RASA3: variants seen among roughly 807,000 people sequenced by gnomAD.
RASA3 encodes the protein ras GTPase-activating protein 3.
In RASA3, 73 loss-of-function variants were observed where a neutral mutation model predicts 110.0. The observed-to-expected ratio is 0.66, with a 90% confidence interval of 0.55 to 0.81. The LOEUF (loss-of-function observed/expected upper bound fraction) is 0.81. Among genes scored for constraint, RASA3 ranks in the 30% least tolerant of loss-of-function variants. The pLI, the probability that RASA3 is intolerant of heterozygous loss-of-function variation, is 0.00. For missense variants in RASA3, 976 were observed against 1,113.2 expected, an observed-to-expected ratio of 0.88 and a Z score of 1.75; for synonymous variants, 500 against 451.4, an observed-to-expected ratio of 1.11 and a Z score of -1.37.
At position 114,009,405 on chromosome 13, in the gene RASA3, A is replaced by G. The variant is rs1346375071; in HGVS notation, c.1650T>C (p.Tyr550=). The change falls in exon 17 of 24, where the codon TAT becomes TAC. Residue 550 remains tyrosine, a synonymous_variant. Coordinates refer to ENST00000334062, the MANE Select transcript of RASA3 (RefSeq NM_007368.4). ...TACTTACGTTCTTCACCGCATCAGCATATTTCTGCTCATTGAAGAATTCAT... is the reference window on the plus strand; with the variant it reads ...TACTTACGTTCTTCACCGCATCAGCGTATTTCTGCTCATTGAAGAATTCAT... ...TFYEFFNEQK[Y]ADAVKNFLDL... 6.2e-7 allele frequency: 1 copy of G among 1,612,342 alleles called. No individual in the cohort carries two copies. The highest frequency in any genetic ancestry group is 1.1e-5 in the South Asian group (1 of 91,080).
chr13:114,013,700 C>G (rs1408070442), intron 14 of RASA3, among the ~76,000 whole-genome samples: 1 of 145,610 alleles, frequency 6.9e-6, no homozygotes, highest in Admixed American at 6.8e-5. Context: ...CTCTGTCTCT[C>G]TCTCTCTCTC....
In RASA3 at chr13:113,983,006, C is replaced by T. The variant is rs200388544; in HGVS notation, c.2246-1148G>A. Among the ~76,000 whole-genome samples the T allele has an allele frequency of 2.6e-5, 4 of 151,794 alleles. No homozygotes were observed. The East Asian group carries it at 7.8e-4, about 29-fold the overall frequency. On this transcript the variant is annotated intron_variant, in intron 22 of 23. Coordinates refer to ENST00000334062, the MANE Select transcript of RASA3 (RefSeq NM_007368.4). Reference sequence around the variant, plus strand: ...CAATTTTTACGGCAGCCCAAACTCACCAAGAACTTGGTACTGAGAAGTGGC... The same window carrying T: ...CAATTTTTACGGCAGCCCAAACTCATCAAGAACTTGGTACTGAGAAGTGGC...
intron 1 of RASA3, among the ~76,000 whole-genome samples, chr13:114,109,802 G>A (rs2139760274): frequency 6.6e-6 from 1 of 152,240 alleles, no homozygotes. Context: ...GCTGGCGCAG[G>A]GCCACGAGGC....
intron 19 of RASA3, among the ~76,000 whole-genome samples, chr13:114,000,134 TGGG>T (rs559758719): frequency 1.5e-5 from 1 of 68,788 alleles, no homozygotes; most frequent in Non-Finnish European, 2.6e-5. Flanking sequence ...GGGTCTCTGC[TGGG>T]GGGGGTCTCT....
chr13:114,074,248 C>A (rs924402901), intron 1 of RASA3, among the ~76,000 whole-genome samples: 1 of 152,210 alleles, frequency 6.6e-6, no homozygotes, highest in African/African-American at 2.4e-5. Flanking sequence ...TCTTCCCAAA[C>A]GGAGACTCGG....
chr13:114,015,211 T>C lies in RASA3; in HGVS notation c.1403A>G (p.Gln468Arg). 2.5e-6 allele frequency: 4 copies of C among 1,612,972 alleles called. No individual in the cohort carries two copies. The highest frequency in any genetic ancestry group is 3.4e-6 in the Non-Finnish European group (4 of 1,179,962). ...ATGAGGGTGTTCAGGGCACTCACCCTGGAAGCGCTTGGCCGCCGCCTCCCG... is the reference window on the plus strand; with the variant it reads ...ATGAGGGTGTTCAGGGCACTCACCCCGGAAGCGCTTGGCCGCCGCCTCCCG... ...SLREAAAKRF[Q>R]DDPDVRYTAV... Residue 468 changes from glutamine (Q) to arginine (R), a missense_variant and splice_region_variant, in exon 14 of 24, where the codon CAG becomes CGG. Physicochemically the swap from Gln to Arg is conservative, Grantham distance 43. Around this residue, in one of 4 missense-constraint regions of RASA3, gnomAD observed 732 missense variants for 779.7 expected, o/e 0.94. Transcript: ENST00000334062.
chr13:114,008,517 T>C lies in RASA3; in HGVS notation c.1668+870A>G, dbSNP rs12858514. ...TGCCCCCACGCACCGCGTTCCTGAC[T>C]GTGGGGAGGAGCAGAGCCCTGGGGC... is the stretch of plus-strand genomic sequence containing the variant. On this transcript the variant is annotated intron_variant, in intron 17 of 23. Coordinates refer to ENST00000334062, the MANE Select transcript of RASA3 (RefSeq NM_007368.4). 2.4e-3 allele frequency among the ~76,000 whole-genome samples: 47 copies of C among 19,762 alleles called. 1 individual carries two copies. The highest frequency in any genetic ancestry group is 0.014 in the East Asian group (9 of 626). 13.0% of individuals were successfully genotyped at this position (19,762 alleles called of 152,430 possible). A position where few individuals can be genotyped will look rare whatever the true frequency, so the allele number is the denominator to read the frequency against.
rs561544780 is a variant in RASA3, at chr13:114,123,395, T to C, written c.55+9040A>G. Among the ~76,000 whole-genome samples, 96 of 152,336 alleles carry C rather than the reference T, an allele frequency of 6.3e-4. 1 individual carries two copies. The highest frequency in any genetic ancestry group is 2.5e-3 in the East Asian group (13 of 5,186). On this transcript the variant is annotated intron_variant, in intron 1 of 23. Coordinates refer to ENST00000334062, the MANE Select transcript of RASA3 (RefSeq NM_007368.4). The stretch of plus-strand genomic sequence containing the variant: ...AAGGAACACAGCTAAAGAGAAGATT[T>C]AGGGGTGCACGCAAGGGCCCTCAGG...
chr13:114,007,295 CACCACCTTACCCTTCTCCCCTCCT>C (rs2053532283), intron 18 of RASA3, among the ~76,000 whole-genome samples: 1 of 13,452 alleles, frequency 7.4e-5, no homozygotes, highest in African/African-American at 6.8e-4. Context: ...CCCTGCCGGA[CACCACCTTACCCTTCTCCCCTCCT>C]GCCCTGCCGG....
At chr13:113,991,372 G>C (rs1422695893) in intron 22 of RASA3, among the ~76,000 whole-genome samples, 1 of 152,222 alleles carries the variant, frequency 6.6e-6, no homozygotes, top group Non-Finnish European at 1.5e-5. Context: ...GGTTAAATCA[G>C]GGGAATGAAA....
Position 114,052,100 on chromosome 13 carries a change from A to G in RASA3, c.229T>C (p.Ser77Pro). The G allele has an allele frequency of 6.2e-7, 1 of 1,613,566 alleles. No individual in the cohort carries two copies. The highest frequency in any genetic ancestry group is 8.5e-7 in the Non-Finnish European group (1 of 1,179,760). ...CEIPRSFRHLSFYIFDRDVFR... is the reference protein window; with the variant it reads ...CEIPRSFRHLPFYIFDRDVFR... ...ACGTCTCTATCGAAAATGTAGAAGGACAGGTGACGAAAGCTCCGAGGAATT... is the reference window on the plus strand; with the variant it reads ...ACGTCTCTATCGAAAATGTAGAAGGGCAGGTGACGAAAGCTCCGAGGAATT... Residue 77 changes from serine (S) to proline (P), a missense_variant, in exon 3 of 24, where the codon TCC (serine) becomes CCC (proline). Around this residue, in one of 4 missense-constraint regions of RASA3, gnomAD observed 732 missense variants for 779.7 expected, o/e 0.94. Transcript: ENST00000334062.
At position 114,013,267 on chromosome 13, in the gene RASA3, G is replaced by A; in HGVS notation, c.1406-19C>T. On this transcript the variant is annotated intron_variant, in intron 14 of 23. Transcript: ENST00000334062. ...GGGTCATCTGCGGGAGAGAGAAGCA[G>A]GGTGACCGTTTTCCTCGGGCACAAT... 4 of 1,594,514 alleles carry A rather than the reference G, an allele frequency of 2.5e-6. No homozygotes were observed. The highest frequency in any genetic ancestry group is 3.4e-6 in the Non-Finnish European group (4 of 1,167,840).
Position 114,011,090 on chromosome 13 carries a change from G to A in RASA3, c.1590+81C>T. ...TTATCTTACGACTCTCTCAAATGTG[G>A]GAGGTTTTTCACGTGTATTTTCTGA... On this transcript the variant is annotated intron_variant, in intron 16 of 23. Transcript: ENST00000334062. This position sits in a 1 kb window ranked among gnomAD's most constrained non-coding sequence, Gnocchi z 4.8. The A allele has an allele frequency of 1.6e-6, 2 of 1,240,950 alleles. No homozygotes were observed. Among genetic ancestry groups the A allele is most frequent in the Middle Eastern group, 1.9e-4 (1 of 5,356 alleles). The allele number at this position is 1,240,950 out of a possible 1,614,324, so 76.9% of individuals were successfully genotyped here.
rs1476173865 is a variant in RASA3, at chr13:114,048,280, C to A, written c.277+3772G>T. 1.3e-4 allele frequency among the ~76,000 whole-genome samples: 19 copies of A among 151,356 alleles called. 1 individual carries two copies. Among genetic ancestry groups the A allele is most frequent in the Middle Eastern group, 3.4e-3 (1 of 290 alleles). ...CAGTGAGCCGAGATCGCGCCACTGC[C>A]CTCCAGCCTGGGCGACAGAAAGAGA... On this transcript the variant is annotated intron_variant, in intron 3 of 23. Coordinates refer to ENST00000334062, the MANE Select transcript of RASA3 (RefSeq NM_007368.4). The surrounding 1 kb of genome is among the most constrained non-coding windows in gnomAD (Gnocchi z 4.3).
At chr13:114,004,449 A>C (rs1376214823) in intron 18 of RASA3, among the ~76,000 whole-genome samples, 1 of 152,096 alleles carries the variant, frequency 6.6e-6, no homozygotes, top group East Asian at 1.9e-4. Context: ...CAAATGGCCA[A>C]CAAGCATACG....
intron 2 of RASA3, among the ~76,000 whole-genome samples, chr13:114,069,476 G>C (rs1223440622): frequency 1.0e-5 from 1 of 98,206 alleles, no homozygotes; most frequent in Non-Finnish European, 2.2e-5. Context: ...GGAGACTCGG[G>C]GGCCGGGAGA....
At chr13:113,992,731 G>A (rs549451130) in intron 21 of RASA3, 143 bp from the exon 22 acceptor site, 26 of 695,802 alleles carry the variant, frequency 3.7e-5, no homozygotes, top group South Asian at 8.5e-5. Context: ...TTTGCTGTCC[G>A]TCTGTGCACA....
intron 16 of RASA3, among the ~76,000 whole-genome samples, chr13:114,009,677 A>G (rs976459666): frequency 6.6e-6 from 1 of 152,246 alleles, no homozygotes; most frequent in Non-Finnish European, 1.5e-5. Context: ...CAGACCTGCC[A>G]GTGCCCGTGA....
chr13:114,061,115 G>GT (rs887990449), intron 2 of RASA3, among the ~76,000 whole-genome samples: 8 of 151,894 alleles, frequency 5.3e-5, no homozygotes, highest in Non-Finnish European at 8.8e-5. Flanking sequence ...AGCACTTAGA[G>GT]TTTTTTCATT....
Sources: gnomAD v4.1 joint callset for allele counts (sites outside exome capture counted in the v4.1 genomes callset) on GRCh38, gnomAD v4.1.1 for gene constraint, gnomAD v4.1.1 regional missense constraint, Gnocchi (gnomAD v3.1) non-coding constraint, MANE v1.5 for transcripts, NCBI Gene and HGNC (gene_info 2026-07-23, HGNC 2026-07-21) for gene names.